Variants in PRKG1 observed in about 807,000 individuals in gnomAD.
PRKG1 encodes the protein cGMP-dependent protein kinase 1.
In PRKG1, 35 loss-of-function variants were observed where a neutral mutation model predicts 88.1. The observed-to-expected ratio is 0.40, with a 90% CI of 0.30 to 0.53. The LOEUF is 0.53. Among genes scored for constraint, PRKG1 ranks in the 20% least tolerant of loss-of-function variants. The pLI is 0.59. For synonymous variants in PRKG1, 303 were observed against 292.5 expected, an observed-to-expected ratio of 1.04 and a Z score of -0.37; for missense variants, 540 against 839.8, an observed-to-expected ratio of 0.64 and a Z score of 4.41.
intron 2 of PRKG1, among the ~76,000 whole-genome samples, chr10:51,212,996 C>G (rs1838267652): frequency 6.6e-6 from 1 of 152,126 alleles, no homozygotes; most frequent in Non-Finnish European, 1.5e-5. Flanking sequence ...AATCATGCTG[C>G]TATAAAGACA....
Position 51,833,415 on chromosome 10 carries a change from A to G in PRKG1, c.698+28725A>G, listed in dbSNP as rs146630430. The stretch of plus-strand genomic sequence containing the variant: ...TTGCATAGCTAGTTGTAAACTTCTA[A>G]TTTTTCACAACAATGCTGATAGGTA... On this transcript the variant is annotated intron_variant, in intron 4 of 17. Transcript: ENST00000373980. 5.6e-3 allele frequency among the ~76,000 whole-genome samples: 856 copies of G among 152,274 alleles called. 8 individuals are homozygous for G. Among genetic ancestry groups the G allele is most frequent in the African/African-American group, 0.02 (816 of 41,534 alleles).
Position 51,736,902 on chromosome 10 carries a change from C to T in PRKG1, c.593-67683C>T, listed in dbSNP as rs1222427156. ...CCTCTCACCTTGGCTTTCCAAAGTACTGGGATTACAGATGTGAGCCACACC... is the reference window on the plus strand; with the variant it reads ...CCTCTCACCTTGGCTTTCCAAAGTATTGGGATTACAGATGTGAGCCACACC... On this transcript the variant is annotated intron_variant, in intron 3 of 17. Transcript: ENST00000373980. 3.3e-5 allele frequency among the ~76,000 whole-genome samples: 5 copies of T among 151,878 alleles called. No individual in the cohort carries two copies. The East Asian group carries it at 9.7e-4, about 29-fold the overall frequency.
chr10:51,318,687 A>C (rs1841381735), intron 2 of PRKG1, among the ~76,000 whole-genome samples: 1 of 152,230 alleles, frequency 6.6e-6, no homozygotes, highest in South Asian at 2.1e-4. Flanking sequence ...GATTACTTTC[A>C]TTGAAAGAAT....
At chr10:51,296,310 C>G (rs1298928640) in intron 2 of PRKG1, among the ~76,000 whole-genome samples, 1 of 152,002 alleles carries the variant, frequency 6.6e-6, no homozygotes, top group African/African-American at 2.4e-5. Flanking sequence ...TCATCCTGAG[C>G]TTTTCTTTTT....
chr10:51,684,926 A>G (rs1390312163), intron 3 of PRKG1, among the ~76,000 whole-genome samples: 1 of 152,190 alleles, frequency 6.6e-6, no homozygotes, highest in African/African-American at 2.4e-5. Flanking sequence ...ATTCCATATA[A>G]GTATGTCTTC....
intron 2 of PRKG1, among the ~76,000 whole-genome samples, chr10:51,194,089 A>G (rs1837699137): frequency 6.6e-6 from 1 of 152,114 alleles, no homozygotes; most frequent in Non-Finnish European, 1.5e-5. Context: ...TCTCTTAACT[A>G]TGTTATCACT....
chr10:51,569,722 A>G (rs989878313), intron 3 of PRKG1, among the ~76,000 whole-genome samples: 28 of 151,964 alleles, frequency 1.8e-4, no homozygotes, highest in African/African-American at 6.5e-4. Flanking sequence ...AACCAGAACT[A>G]CAGTTACCTG....
At chr10:51,943,045 G>A (rs1842945359) in intron 5 of PRKG1, among the ~76,000 whole-genome samples, 1 of 152,022 alleles carries the variant, frequency 6.6e-6, no homozygotes, top group South Asian at 2.1e-4. Context: ...ACCTTGGGCA[G>A]TATGGCCATT....
At chr10:52,239,782 C>T (rs1176482468) in intron 9 of PRKG1, among the ~76,000 whole-genome samples, 6 of 151,910 alleles carry the variant, frequency 3.9e-5, no homozygotes, top group African/African-American at 7.3e-5. Flanking sequence ...ACTTCTGTAA[C>T]GAGTGATGGA....
intron 4 of PRKG1, among the ~76,000 whole-genome samples, chr10:51,833,255 G>A (rs993660642): frequency 6.6e-6 from 1 of 152,194 alleles, no homozygotes; most frequent in African/African-American, 2.4e-5. Flanking sequence ...AGCAGGACGA[G>A]TGAGGTTGCT....
chr10:52,147,750 A>G (rs745795691), intron 8 of PRKG1, among the ~76,000 whole-genome samples: 4 of 152,194 alleles, frequency 2.6e-5, no homozygotes, highest in Non-Finnish European at 5.9e-5. Context: ...TTGCAAAGGT[A>G]GACCGGATGG....
chr10:51,663,269 G>A (rs1331298206), intron 3 of PRKG1, among the ~76,000 whole-genome samples: 1 of 152,098 alleles, frequency 6.6e-6, no homozygotes, highest in African/African-American at 2.4e-5. Context: ...CTTGAGCAAC[G>A]ATGTGGATGC....
intron 1 of PRKG1, among the ~76,000 whole-genome samples, chr10:51,023,023 A>C (rs901704820): frequency 4.6e-5 from 7 of 152,142 alleles, no homozygotes; most frequent in African/African-American, 1.7e-4. Context: ...CAAAACAGAA[A>C]ACATCTGTAT....
chr10:51,876,787 A>C (rs1032294495), intron 4 of PRKG1, among the ~76,000 whole-genome samples: 3 of 152,180 alleles, frequency 2.0e-5, no homozygotes, highest in Non-Finnish European at 4.4e-5. Flanking sequence ...CCACTCACCC[A>C]GAGACCAGCG....
intron 2 of PRKG1, among the ~76,000 whole-genome samples, chr10:51,179,335 A>G (rs571998372): frequency 1.3e-5 from 2 of 152,356 alleles, no homozygotes; most frequent in South Asian, 2.1e-4. Flanking sequence ...AATGGATTAT[A>G]TAGAATAGTA....
intron 14 of PRKG1, among the ~76,000 whole-genome samples, chr10:52,285,912 T>G (rs546637361): frequency 6.6e-6 from 1 of 151,792 alleles, no homozygotes; most frequent in Admixed American, 6.6e-5. Context: ...AAAGAAAAAA[T>G]ACATAGATAT....
rs1840476269 is a variant in PRKG1, at chr10:52,229,624, C to A, written c.1077-21946C>A. Among the ~76,000 whole-genome samples the A allele has an allele frequency of 2.6e-5, 4 of 152,292 alleles. No individual in the cohort carries two copies. In the South Asian group the frequency reaches 8.3e-4, roughly 32 times the overall value. On this transcript the variant is annotated intron_variant, in intron 9 of 17. Coordinates refer to ENST00000373980, the MANE Select transcript of PRKG1 (RefSeq NM_006258.4). ...TCTCAGGAATCATTTTCAGCCATTT[C>A]CAGCCTTTGGATTATGATGCCTGTT... is the stretch of plus-strand genomic sequence containing the variant.
chr10:51,105,461 T>C (rs1321723929), intron 1 of PRKG1, among the ~76,000 whole-genome samples: 4 of 152,164 alleles, frequency 2.6e-5, no homozygotes, highest in Non-Finnish European at 4.4e-5. Context: ...TATATCAAAT[T>C]CTTTTTGTTT....
intron 5 of PRKG1, among the ~76,000 whole-genome samples, chr10:51,995,889 A>G (rs1400709064): frequency 1.3e-5 from 2 of 152,226 alleles, no homozygotes; most frequent in Non-Finnish European, 2.9e-5. Flanking sequence ...CGGAAGCTCC[A>G]GGACATTGGT....
Sources: allele counts gnomAD v4.1 joint callset (sites outside exome capture counted in the v4.1 genomes callset), GRCh38; gene constraint gnomAD v4.1.1; transcripts MANE v1.5; gene names NCBI Gene and HGNC (gene_info 2026-07-23, HGNC 2026-07-21).